Variants in SMPD3 observed in about 807,000 individuals in gnomAD.
The protein encoded by SMPD3 is sphingomyelin phosphodiesterase 3, also known as nSMase-2.
In SMPD3, 21 loss-of-function variants were observed where a neutral mutation model predicts 55.7. That is an observed-to-expected ratio of 0.38 (90% confidence interval 0.27 to 0.54). The LOEUF is 0.54. SMPD3 is among the 20% of genes least tolerant of loss of function. The pLI, the probability that SMPD3 is intolerant of heterozygous loss-of-function variation, is 0.80. For synonymous variants in SMPD3, 457 were observed against 404.3 expected (o/e 1.13, Z -1.56); for missense variants, 842 against 899.6 (o/e 0.94, Z 0.82).
At position 68,363,476 on chromosome 16, in the gene SMPD3, C is replaced by T. The variant is rs766191926; in HGVS notation, c.1709+20G>A. 3 of 1,613,926 alleles carry T rather than the reference C, an allele frequency of 1.9e-6. No homozygotes were observed. The highest frequency in any genetic ancestry group is 2.5e-6 in the Non-Finnish European group (3 of 1,179,920). On this transcript the variant is annotated intron_variant, in intron 7 of 8. Coordinates refer to ENST00000219334, the MANE Select transcript of SMPD3 (RefSeq NM_018667.4). The stretch of plus-strand genomic sequence containing the variant: ...TAGTCAGGGTGTGCCTCGTCCCTGG[C>T]CTGGGAGCGCAGTGCTTACTTCTGC...
In SMPD3 at chr16:68,372,149, G is replaced by A. The variant is rs1362243447; in HGVS notation, c.33C>T (p.Ser11=). 72 of 1,612,714 alleles carry A rather than the reference G, an allele frequency of 4.5e-5. No homozygotes were observed. The highest frequency in any genetic ancestry group is 6.0e-5 in the Non-Finnish European group (71 of 1,179,632). Residue 11 remains serine (S), a synonymous_variant, in exon 3 of 9, where the codon AGC becomes AGT. Coordinates refer to ENST00000219334, the MANE Select transcript of SMPD3 (RefSeq NM_018667.4). The part of the protein sequence containing the change: MVLYTTPFPN[S]CLSALHCVSW... ...ACACACAGTGCAGGGCGGACAGACA[G>A]CTGTTAGGAAAGGGGGTCGTGTACA...
At chr16:68,383,599 C>A (rs1210255672) in intron 2 of SMPD3, among the ~76,000 whole-genome samples, 1 of 152,104 alleles carries the variant, frequency 6.6e-6, no homozygotes. Context: ...CTTGGAGGAT[C>A]CCTCAGAGCC....
At chr16:68,395,469 C>T (rs1249582705) in intron 1 of SMPD3, among the ~76,000 whole-genome samples, 3 of 152,222 alleles carry the variant, frequency 2.0e-5, no homozygotes, top group South Asian at 2.1e-4. Flanking sequence ...TTTATCAAAA[C>T]GTCATCATCT....
chr16:68,366,834 G>A (rs2089492627), intron 3 of SMPD3, among the ~76,000 whole-genome samples: 2 of 152,014 alleles, frequency 1.3e-5, no homozygotes, highest in Admixed American at 6.5e-5. Context: ...ATGGTGAAAC[G>A]CTGTCTCTAC....
intron 1 of SMPD3, among the ~76,000 whole-genome samples, chr16:68,428,492 G>T (rs2090454519): frequency 6.6e-6 from 1 of 152,170 alleles, no homozygotes. Flanking sequence ...CTCCAGAAGG[G>T]ACTTCTCATC....
chr16:68,365,755 AG>A (rs2089460893), intron 3 of SMPD3, among the ~76,000 whole-genome samples: 1 of 152,232 alleles, frequency 6.6e-6, no homozygotes, highest in African/African-American at 2.4e-5. Context: ...CATCCTCTTC[AG>A]GTCTCCCCTC....
chr16:68,443,558 G>A (rs902232582), intron 1 of SMPD3, among the ~76,000 whole-genome samples: 1 of 151,774 alleles, frequency 6.6e-6, no homozygotes. Flanking sequence ...TGCCATCTAC[G>A]CTTGGCTTCC....
At chr16:68,432,625 T>C (rs2152030498) in intron 1 of SMPD3, among the ~76,000 whole-genome samples, 1 of 152,276 alleles carries the variant, frequency 6.6e-6, no homozygotes, top group South Asian at 2.1e-4. Flanking sequence ...CTTTCTGCTC[T>C]GCCCTGAGAA....
At chr16:68,372,820 G>C (rs1471820554) in intron 2 of SMPD3, among the ~76,000 whole-genome samples, 1 of 152,208 alleles carries the variant, frequency 6.6e-6, no homozygotes, top group East Asian at 1.9e-4. Flanking sequence ...CCCTGGGTCA[G>C]AGGAGCCACA....
At chr16:68,402,723 GGAATCAAGGTTCTACA>G (rs1322356006) in intron 1 of SMPD3, among the ~76,000 whole-genome samples, 7 of 152,254 alleles carry the variant, frequency 4.6e-5, no homozygotes, top group South Asian at 4.2e-4. Flanking sequence ...AAGGTTCTAC[GGAATCAAGGTTCTACA>G]GAATCAAGGT....
intron 1 of SMPD3, among the ~76,000 whole-genome samples, chr16:68,432,194 C>G (rs1779485910): frequency 6.6e-6 from 1 of 152,144 alleles, no homozygotes; most frequent in African/African-American, 2.4e-5. Flanking sequence ...ATTTTCTTCA[C>G]TTTTGAAAAG....
At chr16:68,426,889 G>T (rs960949095) in intron 1 of SMPD3, among the ~76,000 whole-genome samples, 2 of 151,864 alleles carry the variant, frequency 1.3e-5, no homozygotes, top group African/African-American at 2.4e-5. Context: ...ATCAATCCAC[G>T]TAGGTCAATA....
intron 1 of SMPD3, among the ~76,000 whole-genome samples, chr16:68,422,480 A>G (rs1028048420): frequency 2.6e-4 from 39 of 152,204 alleles, no homozygotes; most frequent in African/African-American, 9.4e-4. Flanking sequence ...AACAGAGTAT[A>G]GTAAAGTGCT....
intron 1 of SMPD3, among the ~76,000 whole-genome samples, chr16:68,421,887 T>C (rs191847187): frequency 1.3e-4 from 20 of 152,338 alleles, no homozygotes; most frequent in Admixed American, 1.0e-3. Context: ...TGCTACTCTA[T>C]GTGGCAAAAG....
At chr16:68,398,957 G>A (rs1235526465) in intron 1 of SMPD3, among the ~76,000 whole-genome samples, 1 of 152,214 alleles carries the variant, frequency 6.6e-6, no homozygotes, top group Admixed American at 6.5e-5. Context: ...TCGTGGCCAG[G>A]AGCTCTGGGG....
At chr16:68,415,104 A>G (rs1349226468) in intron 1 of SMPD3, among the ~76,000 whole-genome samples, 1 of 152,150 alleles carries the variant, frequency 6.6e-6, no homozygotes, top group East Asian at 1.9e-4. Context: ...ATGGGCCATA[A>G]ACTGTGCCAT....
rs149704298 is a variant in SMPD3 at position 68,435,147 on chromosome 16, G to A, written c.-269+13206C>T. Among the ~76,000 whole-genome samples the A allele has an allele frequency of 5.7e-3, 867 of 152,288 alleles. 6 individuals carry two copies. The highest frequency in any genetic ancestry group is 0.02 in the African/African-American group (840 of 41,552). ...TGAGAAAGACAGCCCAGCAGATCTG[G>A]TCCCTGCTGGCAGGGATGAACTCTT... On this transcript the variant is annotated intron_variant, in intron 1 of 8. Coordinates refer to ENST00000219334, the MANE Select transcript of SMPD3 (RefSeq NM_018667.4).
At position 68,447,521 on chromosome 16, in the gene SMPD3, G is replaced by T. The variant is rs1310155821; in HGVS notation, c.-269+832C>A. Among the ~76,000 whole-genome samples the T allele has an allele frequency of 6.6e-6, 1 of 151,942 alleles. No homozygotes were observed. Among genetic ancestry groups the T allele is most frequent in the Non-Finnish European group, 1.5e-5 (1 of 67,914 alleles). ...CCCAGGTGGGGAGAGGTGGGGAGGG[G>T]TCCCTCCTGTCCTCGTACATCCCCC... is the stretch of plus-strand genomic sequence containing the variant. On this transcript the variant is annotated intron_variant, in intron 1 of 8. Transcript: ENST00000219334. This position sits in a 1 kb window ranked among gnomAD's most constrained non-coding sequence, Gnocchi z 5.1.
chr16:68,375,469 CT>C (rs1407330179), intron 2 of SMPD3, among the ~76,000 whole-genome samples: 1 of 152,218 alleles, frequency 6.6e-6, no homozygotes, highest in Non-Finnish European at 1.5e-5. Flanking sequence ...CCACAGCTCC[CT>C]CATGGGTCAG....
Sources: gnomAD v4.1 joint callset for allele counts (sites outside exome capture counted in the v4.1 genomes callset) on GRCh38, gnomAD v4.1.1 for gene constraint, Gnocchi (gnomAD v3.1) non-coding constraint, MANE v1.5 for transcripts, NCBI Gene and HGNC (gene_info 2026-07-23, HGNC 2026-07-21) for gene names.